Variants in GFRA1 observed in about 807,000 individuals in gnomAD.
GFRA1 encodes the protein GDNF family receptor alpha 1.
GFRA1 carries 16 observed loss-of-function variants against 51.6 expected under a neutral mutation model. The observed-to-expected ratio is 0.31, with a 90% CI of 0.21 to 0.47. The LOEUF is 0.47. GFRA1 is among the 20% of genes least tolerant of loss of function. The probability of loss-of-function intolerance (pLI) is 1.00; values close to 1 mark genes in which losing one functional copy is unlikely to be tolerated. For synonymous variants in GFRA1, 270 were observed against 241.3 expected (o/e 1.12, Z -1.10); for missense variants, 530 against 594.3 (o/e 0.89, Z 1.13).
intron 4 of GFRA1, among the ~76,000 whole-genome samples, chr10:116,236,957 T>TA (rs2134604560): frequency 6.6e-6 from 1 of 152,356 alleles, no homozygotes; most frequent in East Asian, 1.9e-4. Flanking sequence ...AATAAGAACT[T>TA]AAAGTGCATT....
chr10:116,192,735 C>T (rs1050160362), intron 5 of GFRA1, among the ~76,000 whole-genome samples: 4 of 152,220 alleles, frequency 2.6e-5, no homozygotes, highest in East Asian at 1.9e-4. Flanking sequence ...CATGGGAGTG[C>T]GGGGCTGAAC....
intron 6 of GFRA1, among the ~76,000 whole-genome samples, chr10:116,108,290 T>C (rs1322775215): frequency 6.6e-6 from 1 of 152,222 alleles, no homozygotes; most frequent in African/African-American, 2.4e-5. Context: ...AACTAGTTCC[T>C]AATATCTTCC....
intron 5 of GFRA1, among the ~76,000 whole-genome samples, chr10:116,141,693 C>T (rs545097296): frequency 2.2e-3 from 339 of 152,250 alleles, no homozygotes; most frequent in African/African-American, 7.8e-3. Flanking sequence ...AAGTGAGTCT[C>T]CTGCCTCAGC....
intron 5 of GFRA1, among the ~76,000 whole-genome samples, chr10:116,147,163 A>G (rs996037534): frequency 6.6e-6 from 1 of 152,156 alleles, no homozygotes; most frequent in Admixed American, 6.6e-5. Context: ...GAAATGTTCC[A>G]TTAAGAGGTA....
At chr10:116,106,585 T>C (rs536205981) in intron 6 of GFRA1, among the ~76,000 whole-genome samples, 21 of 148,542 alleles carry the variant, frequency 1.4e-4, no homozygotes, top group Non-Finnish European at 2.8e-4. Flanking sequence ...GGGTAGCGAG[T>C]AGGTTCTTGT....
intron 4 of GFRA1, among the ~76,000 whole-genome samples, chr10:116,251,225 C>T (rs1968326002): frequency 1.3e-5 from 2 of 152,232 alleles, no homozygotes; most frequent in African/African-American, 4.8e-5. Context: ...AGGACCCTAG[C>T]ACAATGTCCA....
At chr10:116,226,384 A>C (rs1202341814) in intron 4 of GFRA1, among the ~76,000 whole-genome samples, 2 of 152,232 alleles carry the variant, frequency 1.3e-5, no homozygotes, top group Non-Finnish European at 2.9e-5. Flanking sequence ...TTTGAAAATG[A>C]TGAAAGATGA....
chr10:116,226,068 A>G (rs1001878914), intron 4 of GFRA1, among the ~76,000 whole-genome samples: 8 of 152,170 alleles, frequency 5.3e-5, no homozygotes, highest in African/African-American at 1.9e-4. Flanking sequence ...AAATAAATAA[A>G]TGAAATGTTC....
rs140040949 is a variant in GFRA1, at chr10:116,089,681, C to T, written c.1197+60G>A. The T allele has an allele frequency of 2.3e-4, 318 of 1,405,300 alleles. No individual in the cohort carries two copies. In the African/African-American group the frequency reaches 3.6e-3, roughly 16 times the overall value. 87.1% of individuals were successfully genotyped at this position (1,405,300 alleles called of 1,614,324 possible). A position where few individuals can be genotyped will look rare whatever the true frequency, so the allele number is the denominator to read the frequency against. On this transcript the variant is annotated intron_variant, in intron 9 of 10. Coordinates refer to ENST00000355422, the MANE Select transcript of GFRA1 (RefSeq NM_005264.8). ...ATACATTTCAGAAAATGGGTCTGCC[C>T]GTGTTTCACCCCCCCACCAGGAAGG...
intron 4 of GFRA1, among the ~76,000 whole-genome samples, chr10:116,246,088 G>T (rs1168141394): frequency 6.6e-6 from 1 of 152,156 alleles, no homozygotes; most frequent in African/African-American, 2.4e-5. Flanking sequence ...TTTGGTTAAT[G>T]ATAATGCATC....
At chr10:116,183,675 G>C (rs1011536383) in intron 5 of GFRA1, among the ~76,000 whole-genome samples, 3 of 152,082 alleles carry the variant, frequency 2.0e-5, no homozygotes, top group Non-Finnish European at 4.4e-5. Context: ...GGGACACTTG[G>C]TCTTCTCTCT....
chr10:116,152,579 C>T (rs1016937675), intron 5 of GFRA1, among the ~76,000 whole-genome samples: 2 of 152,164 alleles, frequency 1.3e-5, no homozygotes, highest in Admixed American at 6.5e-5. Context: ...AAACCATTCA[C>T]GAGGGATCTG....
chr10:116,253,141 A>T (rs1391984990), intron 4 of GFRA1, among the ~76,000 whole-genome samples: 1 of 152,224 alleles, frequency 6.6e-6, no homozygotes, highest in Non-Finnish European at 1.5e-5. Flanking sequence ...CAAAAATCAG[A>T]GTTCATCCAC....
chr10:116,101,996 A>T (rs1388510976), intron 6 of GFRA1, among the ~76,000 whole-genome samples: 1 of 152,160 alleles, frequency 6.6e-6, no homozygotes, highest in African/African-American at 2.4e-5. Context: ...ATTCCATCCT[A>T]CTGTTATGAT....
chr10:116,122,899 G>A (rs2530353), intron 6 of GFRA1, among the ~76,000 whole-genome samples: 1 of 152,176 alleles, frequency 6.6e-6, no homozygotes, highest in African/African-American at 2.4e-5. Context: ...CAGTGGACAA[G>A]ATCACATCTT....
chr10:116,095,607 T>C (rs1724928053), intron 7 of GFRA1, among the ~76,000 whole-genome samples: 1 of 152,178 alleles, frequency 6.6e-6, no homozygotes, highest in African/African-American at 2.4e-5. Context: ...AGGGCAGGTA[T>C]CCTTCCAAAA....
At chr10:116,222,825 G>A (rs1250964901) in intron 4 of GFRA1, among the ~76,000 whole-genome samples, 1 of 152,094 alleles carries the variant, frequency 6.6e-6, no homozygotes, top group Non-Finnish European at 1.5e-5. Flanking sequence ...TGCATCCACA[G>A]ATTCAACCAA....
chr10:116,249,139 C>T (rs1333518567), intron 4 of GFRA1, among the ~76,000 whole-genome samples: 1 of 152,228 alleles, frequency 6.6e-6, no homozygotes, highest in Non-Finnish European at 1.5e-5. Context: ...TCATCTGCTT[C>T]TCTTTGGGAT....
At chr10:116,204,316 TTA>T (rs772337838) in intron 5 of GFRA1, among the ~76,000 whole-genome samples, 30 of 152,230 alleles carry the variant, frequency 2.0e-4, no homozygotes, top group Non-Finnish European at 3.2e-4. Flanking sequence ...ATACACCTGG[TTA>T]TATATATAAA....
Sources: allele counts gnomAD v4.1 joint callset (sites outside exome capture counted in the v4.1 genomes callset), GRCh38; gene constraint gnomAD v4.1.1; transcripts MANE v1.5; gene names NCBI Gene and HGNC (gene_info 2026-07-23, HGNC 2026-07-21).